Variants in TUT4 observed in about 807,000 individuals in gnomAD.
TUT4 encodes the protein terminal uridylyltransferase 4.
A neutral mutation model predicts 192.2 loss-of-function variants in TUT4; 36 were observed. The observed-to-expected ratio is 0.19, with a 90% CI of 0.14 to 0.25. TUT4 has a LOEUF of 0.25. Among genes scored for constraint, TUT4 ranks in the 10% least tolerant of loss-of-function variants. TUT4 has a pLI of 1.00. For missense variants in TUT4, 1,493 were observed against 1,957.2 expected (o/e 0.76, Z 4.47); for synonymous variants, 618 against 666.0 (o/e 0.93, Z 1.11).
rs376167841 is a variant in TUT4 at position 52,546,034 on chromosome 1, G to A, written c.-94+6897C>T. Among the ~76,000 whole-genome samples the A allele has an allele frequency of 2.0e-5, 3 of 150,890 alleles. No individual in the cohort carries two copies. The East Asian group carries it at 5.8e-4, about 29-fold the overall frequency. On this transcript the variant is annotated intron_variant, in intron 1 of 29. Coordinates refer to ENST00000257177, the MANE Select transcript of TUT4 (RefSeq NM_001009881.3). ...AGCGCCCACAGTCCCACCTACTCAA[G>A]AGGCTGAGGTGGGAGGATGGCTTGA...
Position 52,521,973 on chromosome 1 carries a change from A to G in TUT4, c.718+3590T>C, listed in dbSNP as rs543627124. ...GAGCAAGACTCTGTCTCCAAAAAAAAAGATAATGATCTAGATATAAAGGTT... is the reference window on the plus strand; with the variant it reads ...GAGCAAGACTCTGTCTCCAAAAAAAGAGATAATGATCTAGATATAAAGGTT... On this transcript the variant is annotated intron_variant, in intron 2 of 29. Coordinates refer to ENST00000257177, the MANE Select transcript of TUT4 (RefSeq NM_001009881.3). Among the ~76,000 whole-genome samples, 5 of 152,302 alleles carry G rather than the reference A, an allele frequency of 3.3e-5. No homozygotes were observed. The East Asian group carries it at 9.6e-4, about 29-fold the overall frequency.
chr1:52,436,080 T>C (rs17373092), intron 26 of TUT4, among the ~76,000 whole-genome samples: 9,152 of 152,282 alleles, frequency 0.06, 300 homozygotes, highest in South Asian at 0.086. Context: ...TGAACAGGTA[T>C]CCTTCTCTCA....
intron 3 of TUT4, among the ~76,000 whole-genome samples, chr1:52,510,380 T>C (rs891538465): frequency 6.6e-6 from 1 of 150,872 alleles, no homozygotes; most frequent in Non-Finnish European, 1.5e-5. Context: ...TCCAATGTTG[T>C]CCCCAAAACT....
chr1:52,493,965 CTTT>C (rs74540967), intron 6 of TUT4, among the ~76,000 whole-genome samples: 3 of 132,814 alleles, frequency 2.3e-5, no homozygotes, highest in Non-Finnish European at 1.6e-5. Flanking sequence ...CCAGCTAATA[CTTT>C]TTTTTTTTTT....
chr1:52,514,092 T>C (rs1678022375), intron 3 of TUT4, among the ~76,000 whole-genome samples: 1 of 152,156 alleles, frequency 6.6e-6, no homozygotes, highest in Non-Finnish European at 1.5e-5. Context: ...AGTTGAGATG[T>C]CATCCAGAAA....
intron 9 of TUT4, 40 bp downstream of exon 9, chr1:52,488,869 C>T: frequency 6.4e-7 from 1 of 1,569,442 alleles, no homozygotes; most frequent in Non-Finnish European, 8.6e-7. Context: ...ACATTTCCTT[C>T]TAAAAATATA....
At chr1:52,471,928 T>C (rs987807516) in intron 14 of TUT4, 24 bp downstream of exon 14, 6 of 1,597,470 alleles carry the variant, frequency 3.8e-6, no homozygotes, top group African/African-American at 1.3e-5. Flanking sequence ...CTAGTCCCAA[T>C]AGTTGTAGTA....
chr1:52,454,924 A>G (rs905717793), intron 20 of TUT4, among the ~76,000 whole-genome samples: 35 of 152,240 alleles, frequency 2.3e-4, no homozygotes, highest in African/African-American at 8.4e-4. Flanking sequence ...CAAAGAAGAC[A>G]TATGAATGGC....
At chr1:52,458,823 C>T (rs982999734) in intron 19 of TUT4, among the ~76,000 whole-genome samples, 1 of 152,076 alleles carries the variant, frequency 6.6e-6, no homozygotes, top group Admixed American at 6.5e-5. Flanking sequence ...TTCTTTGAAC[C>T]AGCAATCCTA....
At chr1:52,500,149 A>T (rs1570998951) in intron 4 of TUT4, among the ~76,000 whole-genome samples, 3 of 151,908 alleles carry the variant, frequency 2.0e-5, no homozygotes, top group Admixed American at 2.0e-4. Flanking sequence ...GTGCCCAGAA[A>T]TAAACCCTGG....
chr1:52,437,306 A>G (rs1042082745), intron 25 of TUT4: 4 of 200,034 alleles, frequency 2.0e-5, no homozygotes, highest in Non-Finnish European at 4.0e-5. Context: ...ATTTAATAGT[A>G]AATAGCAGTG....
chr1:52,454,565 CA>C (rs1660341074), intron 20 of TUT4, among the ~76,000 whole-genome samples: 1 of 152,128 alleles, frequency 6.6e-6, no homozygotes, highest in Non-Finnish European at 1.5e-5. Context: ...ATACCGTTCA[CA>C]AAAATTAACT....
At chr1:52,550,819 T>C (rs1689248203) in intron 1 of TUT4, among the ~76,000 whole-genome samples, 1 of 152,206 alleles carries the variant, frequency 6.6e-6, no homozygotes, top group Non-Finnish European at 1.5e-5. Context: ...GTGTTGGTTA[T>C]TTTGTTTCTC....
At chr1:52,535,870 A>G (rs1489290944) in intron 1 of TUT4, among the ~76,000 whole-genome samples, 2 of 152,202 alleles carry the variant, frequency 1.3e-5, no homozygotes, top group Non-Finnish European at 2.9e-5. Context: ...TTGAAGTCCT[A>G]AAAGAAAAAA....
At chr1:52,545,309 G>A (rs942730000) in intron 1 of TUT4, among the ~76,000 whole-genome samples, 1 of 150,778 alleles carries the variant, frequency 6.6e-6, no homozygotes, top group Non-Finnish European at 1.5e-5. Flanking sequence ...CCTGGGAGCT[G>A]GAGATTGTGG....
chr1:52,495,992 C>A (rs1019488493), intron 5 of TUT4, among the ~76,000 whole-genome samples: 10 of 152,026 alleles, frequency 6.6e-5, no homozygotes, highest in African/African-American at 2.4e-4. Context: ...ACCCAAAACA[C>A]TGTGGTTCTC....
intron 1 of TUT4, among the ~76,000 whole-genome samples, chr1:52,532,158 C>T (rs1683641907): frequency 6.6e-6 from 1 of 151,590 alleles, no homozygotes; most frequent in Admixed American, 6.6e-5. Flanking sequence ...GATTACCACG[C>T]CTGCCTCTAA....
intron 26 of TUT4, among the ~76,000 whole-genome samples, 156 bp from the exon 27 acceptor site, chr1:52,435,621 C>A (rs571708784): frequency 6.6e-6 from 1 of 152,266 alleles, no homozygotes; most frequent in South Asian, 2.1e-4. Context: ...GAAGGACTTG[C>A]AGCAACTGAG....
chr1:52,455,580 G>A (rs1367199898), intron 20 of TUT4, among the ~76,000 whole-genome samples: 1 of 135,082 alleles, frequency 7.4e-6, no homozygotes, highest in African/African-American at 2.7e-5. Flanking sequence ...TCCAGCCCGG[G>A]CAGCAACAGG....
Sources: gnomAD v4.1 joint callset for allele counts (sites outside exome capture counted in the v4.1 genomes callset) on GRCh38, gnomAD v4.1.1 for gene constraint, MANE v1.5 for transcripts, NCBI Gene and HGNC (gene_info 2026-07-23, HGNC 2026-07-21) for gene names.